ESRRG: variants seen among roughly 807,000 people sequenced by gnomAD.
ESRRG encodes the protein estrogen-related receptor gamma.
ESRRG carries 13 observed loss-of-function variants against 44.0 expected under a neutral mutation model. The ratio of observed to expected loss-of-function variants is 0.30; its 90% CI spans 0.19 to 0.47. The LOEUF is 0.47. Among genes scored for constraint, ESRRG ranks in the 20% least tolerant of loss-of-function variants. The probability of loss-of-function intolerance (pLI) is 1.00; values close to 1 mark genes in which losing one functional copy is unlikely to be tolerated. For synonymous variants in ESRRG, 215 were observed against 214.6 expected (o/e 1.00, Z -0.02); for missense variants, 395 against 580.6 (o/e 0.68, Z 3.29).
intron 1 of ESRRG, among the ~76,000 whole-genome samples, chr1:216,698,246 G>A (rs1377480162): frequency 2.0e-5 from 3 of 151,994 alleles, no homozygotes; most frequent in African/African-American, 2.4e-5. Context: ...GGCGGGGCGC[G>A]GTGGCTCACG....
intron 1 of ESRRG, among the ~76,000 whole-genome samples, chr1:217,001,527 T>C (rs1008612330): frequency 2.0e-5 from 3 of 152,224 alleles, no homozygotes; most frequent in South Asian, 4.1e-4. Context: ...ATAGACCTCA[T>C]TGAAAATGTA....
chr1:216,740,239 A>G (rs906951539), intron 2 of ESRRG, among the ~76,000 whole-genome samples: 3 of 151,742 alleles, frequency 2.0e-5, no homozygotes, highest in Admixed American at 2.0e-4. Flanking sequence ...TCTATTTGTC[A>G]AACAGTGTGG....
rs34950214 is a variant in ESRRG, at chr1:217,073,197, C to CAAAAA, written c.-106+16305_-106+16309dup. Among the ~76,000 whole-genome samples the CAAAAA allele has an allele frequency of 1.8e-3, 140 of 75,982 alleles. 8 individuals carry two copies. The highest frequency in any genetic ancestry group is 2.6e-3 in the Non-Finnish European group (107 of 41,794). 49.8% of individuals were successfully genotyped at this position (75,982 alleles called of 152,430 possible). A position where few individuals can be genotyped will look rare whatever the true frequency, so the allele number is the denominator to read the frequency against. On this transcript the variant is annotated intron_variant, in intron 1 of 7. Coordinates refer to the ESRRG transcript ENST00000359162. ...CACCTTGTCTTCATTCCTTTCTGGA[C>CAAAAA]AAAAAAAAAAAAAAAAAAAAAAAAA...
In ESRRG at chr1:216,856,765, C is replaced by G. The variant is rs547045236; in HGVS notation, c.-14+82817G>C. 7.2e-5 allele frequency among the ~76,000 whole-genome samples: 11 copies of G among 152,304 alleles called. No homozygotes were observed. The East Asian group carries it at 1.7e-3, about 24-fold the overall frequency. ...CAGCAGCTGTCAGGCTATTTTCCAA[C>G]TGCAAAGAGATAGTTTACAGTGGGC... On this transcript the variant is annotated intron_variant, in intron 2 of 7. Transcript: ENST00000359162.
chr1:216,699,805 CATA>C (rs1326364136), intron 1 of ESRRG, among the ~76,000 whole-genome samples: 12 of 152,134 alleles, frequency 7.9e-5, no homozygotes, highest in Non-Finnish European at 1.6e-4. Context: ...GAGAGGCTGG[CATA>C]ATATTTGTCT....
chr1:216,731,249 T>C (rs2088709250), intron 2 of ESRRG, among the ~76,000 whole-genome samples: 1 of 152,236 alleles, frequency 6.6e-6, no homozygotes, highest in African/African-American at 2.4e-5. Context: ...GGTTAAATGT[T>C]GACAAGGATC....
chr1:216,770,409 A>G (rs999278330), intron 2 of ESRRG, among the ~76,000 whole-genome samples: 1 of 152,072 alleles, frequency 6.6e-6, no homozygotes, highest in Admixed American at 6.6e-5. Context: ...TACTCTATAG[A>G]TGTTTGCATC....
chr1:216,948,407 G>A (rs2066412837), intron 1 of ESRRG, among the ~76,000 whole-genome samples: 1 of 149,194 alleles, frequency 6.7e-6, no homozygotes, highest in African/African-American at 2.5e-5. Flanking sequence ...AACCTGGGAG[G>A]CAGAGATTGC....
At chr1:216,993,893 T>A (rs902324701) in intron 1 of ESRRG, among the ~76,000 whole-genome samples, 4 of 152,238 alleles carry the variant, frequency 2.6e-5, no homozygotes, top group African/African-American at 9.6e-5. Context: ...ATCTTCCTTA[T>A]ACTTCAAATT....
intron 3 of ESRRG, among the ~76,000 whole-genome samples, chr1:216,640,033 G>C (rs573858569): frequency 6.6e-6 from 1 of 152,306 alleles, no homozygotes; most frequent in South Asian, 2.1e-4. Context: ...CCAAAGTAAG[G>C]TAAAAACAAA....
intron 1 of ESRRG, among the ~76,000 whole-genome samples, chr1:217,048,655 G>A (rs1264386690): frequency 1.3e-5 from 2 of 152,146 alleles, no homozygotes; most frequent in Non-Finnish European, 2.9e-5. Flanking sequence ...CCTGAAATGA[G>A]CCATTTTAAA....
chr1:216,659,911 G>A (rs2071808392), intron 2 of ESRRG, among the ~76,000 whole-genome samples: 1 of 152,106 alleles, frequency 6.6e-6, no homozygotes, highest in Non-Finnish European at 1.5e-5. Flanking sequence ...AGAGTGTCAG[G>A]TCAAGTCAAT....
intron 1 of ESRRG, among the ~76,000 whole-genome samples, chr1:217,033,255 C>T (rs1189841537): frequency 1.3e-5 from 2 of 152,156 alleles, no homozygotes; most frequent in Non-Finnish European, 2.9e-5. Context: ...GCACCTGTCC[C>T]CTTTTTGTGC....
chr1:216,617,982 G>T (rs1179071876), intron 3 of ESRRG, among the ~76,000 whole-genome samples: 1 of 152,096 alleles, frequency 6.6e-6, no homozygotes, highest in African/African-American at 2.4e-5. Flanking sequence ...TTACGGTAAT[G>T]CTTCAATATT....
intron 1 of ESRRG, among the ~76,000 whole-genome samples, chr1:217,010,276 A>T (rs1221374678): frequency 6.6e-6 from 1 of 152,172 alleles, no homozygotes; most frequent in African/African-American, 2.4e-5. Flanking sequence ...CTTTGGCAAA[A>T]GAGAGCCAAT....
rs180889000 is a variant in ESRRG at position 216,560,123 on chromosome 1, A to G, written c.862+4096T>C. 3.0e-4 allele frequency among the ~76,000 whole-genome samples: 45 copies of G among 152,296 alleles called. No individual in the cohort carries two copies. The East Asian group carries it at 8.7e-3, about 29-fold the overall frequency. On this transcript the variant is annotated intron_variant, in intron 5 of 6. Transcript: ENST00000408911. Reference sequence around the variant, plus strand: ...TTCTGTTTCTTATGTGAATACATATACTTAAAGACTATTTATTACATCATC... The same window carrying G: ...TTCTGTTTCTTATGTGAATACATATGCTTAAAGACTATTTATTACATCATC...
chr1:216,720,109 G>GA (rs1398988176), intron 1 of ESRRG, among the ~76,000 whole-genome samples: 1 of 151,998 alleles, frequency 6.6e-6, no homozygotes, highest in African/African-American at 2.4e-5. Flanking sequence ...ACTTCAAGGA[G>GA]AAAATCATAT....
chr1:216,976,170 G>T (rs1350987244), intron 1 of ESRRG, among the ~76,000 whole-genome samples: 3 of 151,984 alleles, frequency 2.0e-5, no homozygotes, highest in Admixed American at 6.6e-5. Context: ...AAAATTGGTA[G>T]AAATTAAAGG....
chr1:216,718,432 T>C (rs74141644), intron 1 of ESRRG, among the ~76,000 whole-genome samples: 8,442 of 151,914 alleles, frequency 0.056, 763 homozygotes, highest in African/African-American at 0.19. Flanking sequence ...AATAGTATAG[T>C]TCATGTATAT....
Sources: allele counts gnomAD v4.1 joint callset (sites outside exome capture counted in the v4.1 genomes callset), GRCh38; gene constraint gnomAD v4.1.1; transcripts MANE v1.5; gene names NCBI Gene and HGNC (gene_info 2026-07-23, HGNC 2026-07-21).